Variants in AGPAT4 observed in about 807,000 individuals in gnomAD.
The protein encoded by AGPAT4 is 1-acyl-sn-glycerol-3-phosphate acyltransferase delta.
In AGPAT4, 15 loss-of-function variants were observed where a neutral mutation model predicts 48.0. The observed-to-expected ratio is 0.31, with a 90% CI of 0.21 to 0.48. The LOEUF (loss-of-function observed/expected upper bound fraction) is 0.48, where lower values mean the gene tolerates loss of function less well. AGPAT4 is among the 20% of genes least tolerant of loss of function. The pLI is 0.99. For missense variants in AGPAT4, 314 were observed against 482.5 expected, an observed-to-expected ratio of 0.65 and a Z score of 3.27; for synonymous variants, 178 against 198.7, an observed-to-expected ratio of 0.90 and a Z score of 0.88.
intron 2 of AGPAT4, among the ~76,000 whole-genome samples, chr6:161,210,478 T>C (rs1169763304): frequency 6.6e-6 from 1 of 152,220 alleles, no homozygotes; most frequent in Non-Finnish European, 1.5e-5. Context: ...TATGTATTTA[T>C]GTGTTGTGTA....
intron 1 of AGPAT4, among the ~76,000 whole-genome samples, chr6:161,256,069 C>T (rs3757028): frequency 0.17 from 26,404 of 152,056 alleles, 2,412 homozygotes; most frequent in Non-Finnish European, 0.19. Flanking sequence ...CCACTCCACC[C>T]TCACCCAGGC....
chr6:161,140,827 A>G lies in AGPAT4; in HGVS notation c.844-1207T>C, dbSNP rs1779226858. On this transcript the variant is annotated intron_variant, in intron 7 of 8. Coordinates refer to ENST00000320285, the MANE Select transcript of AGPAT4 (RefSeq NM_020133.3). This position sits in a 1 kb window ranked among gnomAD's most constrained non-coding sequence, Gnocchi z 6.5. ...AGGTTGTATGGTGGGCAGCTGCCTCAGCTATTGTAAAAGCTGCACGTGGCC... is the reference window on the plus strand; with the variant it reads ...AGGTTGTATGGTGGGCAGCTGCCTCGGCTATTGTAAAAGCTGCACGTGGCC... Among the ~76,000 whole-genome samples, 1 of 152,198 alleles carries G rather than the reference A, an allele frequency of 6.6e-6. No homozygotes were observed. The highest frequency in any genetic ancestry group is 1.5e-5 in the Non-Finnish European group (1 of 68,038).
intron 2 of AGPAT4, among the ~76,000 whole-genome samples, chr6:161,170,224 A>C (rs1287457003): frequency 6.6e-6 from 1 of 152,052 alleles, no homozygotes; most frequent in Admixed American, 6.5e-5. Context: ...CCAGCATCAC[A>C]TGCAGATACA....
At chr6:161,170,471 G>GCACACA (rs1216836382) in intron 2 of AGPAT4, among the ~76,000 whole-genome samples, 7 of 113,726 alleles carry the variant, frequency 6.2e-5, no homozygotes, top group East Asian at 2.2e-4. Context: ...ACGTGCGCGC[G>GCACACA]CGCACACACA....
chr6:161,257,835 C>A (rs569251625), intron 1 of AGPAT4, among the ~76,000 whole-genome samples: 4 of 152,270 alleles, frequency 2.6e-5, no homozygotes, highest in African/African-American at 9.6e-5. Context: ...GCTATGAACC[C>A]ATCTGGTCCC....
At chr6:161,253,899 T>A (rs1782872317) in intron 1 of AGPAT4, among the ~76,000 whole-genome samples, 1 of 152,186 alleles carries the variant, frequency 6.6e-6, no homozygotes, top group African/African-American at 2.4e-5. Flanking sequence ...GACATTCACA[T>A]TACTCCCAAT....
Position 161,208,211 on chromosome 6 carries a change from T to A in AGPAT4, c.178+23825A>T, listed in dbSNP as rs1442053724. Among the ~76,000 whole-genome samples, 4 of 152,196 alleles carry A rather than the reference T, an allele frequency of 2.6e-5. No homozygotes were observed. Among genetic ancestry groups the A allele is most frequent in the Non-Finnish European group, 5.9e-5 (4 of 68,042 alleles). On this transcript the variant is annotated intron_variant, in intron 2 of 8. Transcript: ENST00000320285. This position sits in a 1 kb window ranked among gnomAD's most constrained non-coding sequence, Gnocchi z 4.6. Reference sequence around the variant, plus strand: ...ATATATTTTACATTTCAGTCTCCTTTTTTATATGAACGTTAGCTACCAAGA... The same window carrying A: ...ATATATTTTACATTTCAGTCTCCTTATTTATATGAACGTTAGCTACCAAGA...
chr6:161,273,241 G>A (rs1255992399), intron 1 of AGPAT4, among the ~76,000 whole-genome samples: 3 of 152,070 alleles, frequency 2.0e-5, no homozygotes, highest in Non-Finnish European at 4.4e-5. Flanking sequence ...CCTCGATATG[G>A]AGAAATTCAT....
Position 161,242,853 on chromosome 6 carries a change from A to G in AGPAT4, c.-89-10551T>C, listed in dbSNP as rs1207178803. 1.3e-5 allele frequency among the ~76,000 whole-genome samples: 2 copies of G among 152,094 alleles called. No homozygotes were observed. Among genetic ancestry groups the G allele is most frequent in the Non-Finnish European group, 2.9e-5 (2 of 67,998 alleles). ...TGGGAGGGGGTGGGTGGCTCACCTG[A>G]GGTCAGGAGATCGAGGCCAGCCTGG... On this transcript the variant is annotated intron_variant, in intron 1 of 8. Coordinates refer to ENST00000320285, the MANE Select transcript of AGPAT4 (RefSeq NM_020133.3). The surrounding 1 kb of genome is among the most constrained non-coding windows in gnomAD (Gnocchi z 5.0).
chr6:161,136,338 T>A lies in AGPAT4; in HGVS notation c.*202A>T. On this transcript the variant is annotated 3_prime_UTR_variant, in exon 9 of 9. Coordinates refer to ENST00000320285, the MANE Select transcript of AGPAT4 (RefSeq NM_020133.3). ...GCACAAAAAGAAAACCAAAGCCCAC[T>A]AAAGCACATGGGGAAAAAAAGATTA... The A allele has an allele frequency of 3.6e-6, 2 of 561,154 alleles. No homozygotes were observed. Among genetic ancestry groups the A allele is most frequent in the Non-Finnish European group, 6.4e-6 (2 of 312,208 alleles). The allele number at this position is 561,154 out of a possible 1,614,324, so 34.8% of individuals were successfully genotyped here.
In AGPAT4 at chr6:161,253,597, C is replaced by T. The variant is rs1198303676; in HGVS notation, c.-90+20341G>A. 2.0e-5 allele frequency among the ~76,000 whole-genome samples: 3 copies of T among 151,762 alleles called. No individual in the cohort carries two copies. In the East Asian group the frequency reaches 5.8e-4, roughly 29 times the overall value. On this transcript the variant is annotated intron_variant, in intron 1 of 8. Coordinates refer to ENST00000320285, the MANE Select transcript of AGPAT4 (RefSeq NM_020133.3). ...AAAGGCAAAAATAATATGTATCTCT[C>T]TACTTAAATTTTAAAAATTATAAAT...
At chr6:161,230,636 T>C (rs1311990453) in intron 2 of AGPAT4, among the ~76,000 whole-genome samples, 2 of 152,182 alleles carry the variant, frequency 1.3e-5, no homozygotes, top group East Asian at 3.8e-4. Context: ...TATACCACCG[T>C]AGAAGGGTAC....
chr6:161,185,496 G>A (rs1184998694), intron 2 of AGPAT4, among the ~76,000 whole-genome samples: 3 of 151,982 alleles, frequency 2.0e-5, no homozygotes, highest in Non-Finnish European at 2.9e-5. Context: ...TCATGACAAT[G>A]TGGGGTGATA....
chr6:161,182,190 C>T (rs1045860450), intron 2 of AGPAT4, among the ~76,000 whole-genome samples: 1 of 151,738 alleles, frequency 6.6e-6, no homozygotes, highest in Non-Finnish European at 1.5e-5. Flanking sequence ...TTACCCTATC[C>T]CCTCACCCCA....
At position 161,261,787 on chromosome 6, in the gene AGPAT4, C is replaced by T. The variant is rs1351165890; in HGVS notation, c.-90+12151G>A. ...CCTTTTCTCTTTCTTTATGAGTGGA[C>T]CTTCGGCTTCTGACTGCATTTTCCT... On this transcript the variant is annotated intron_variant, in intron 1 of 8. Transcript: ENST00000320285. This position sits in a 1 kb window ranked among gnomAD's most constrained non-coding sequence, Gnocchi z 5.3. 2.0e-5 allele frequency among the ~76,000 whole-genome samples: 3 copies of T among 152,174 alleles called. No homozygotes were observed.
chr6:161,135,086 G>GTTGTGC lies in AGPAT4; in HGVS notation c.*1453_*1454insGCACAA, dbSNP rs60072179. The stretch of plus-strand genomic sequence containing the variant: ...GTAACTCCTTGGCTTACCTAGTTTG[G>GTTGTGC]TTGATAAACAATGACTAAATGAGCA... On this transcript the variant is annotated 3_prime_UTR_variant, in exon 9 of 9. Coordinates refer to ENST00000320285, the MANE Select transcript of AGPAT4 (RefSeq NM_020133.3). 0.29 allele frequency: 44,130 copies of GTTGTGC among 152,090 alleles called. 7,001 individuals are homozygous for GTTGTGC. Among genetic ancestry groups the GTTGTGC allele is most frequent in the African/African-American group, 0.39 (16,147 of 41,440 alleles). 9.4% of individuals were successfully genotyped at this position (152,090 alleles called of 1,614,324 possible). A position where few individuals can be genotyped will look rare whatever the true frequency, so the allele number is the denominator to read the frequency against.
At chr6:161,150,028 T>C (rs1394878872) in intron 5 of AGPAT4, among the ~76,000 whole-genome samples, 1 of 152,202 alleles carries the variant, frequency 6.6e-6, no homozygotes, top group African/African-American at 2.4e-5. Context: ...AGCATAACCA[T>C]TCTATGAGCA....
At position 161,216,532 on chromosome 6, in the gene AGPAT4, C is replaced by T. The variant is rs1352991092; in HGVS notation, c.178+15504G>A. ...AATGCTGGGGCAGCATCAGCCCCGA[C>T]GCCCCAGGCCCCACCCCAGCACTCT... On this transcript the variant is annotated intron_variant, in intron 2 of 8. Transcript: ENST00000320285. The surrounding 1 kb of genome is among the most constrained non-coding windows in gnomAD (Gnocchi z 4.8). Among the ~76,000 whole-genome samples the T allele has an allele frequency of 2.0e-5, 3 of 152,172 alleles. No individual in the cohort carries two copies. Among genetic ancestry groups the T allele is most frequent in the Admixed American group, 6.5e-5 (1 of 15,282 alleles).
rs1167806861 is a variant in AGPAT4 at position 161,161,042 on chromosome 6, G to C, written c.348+5206C>G. The C allele has an allele frequency of 2.2e-6, 1 of 456,410 alleles. No homozygotes were observed. The highest frequency in any genetic ancestry group is 4.4e-6 in the Non-Finnish European group (1 of 226,900). 28.3% of individuals were successfully genotyped at this position (456,410 alleles called of 1,614,324 possible). ...AGCACGAAAGGGGGACAGTTCATGG[G>C]ATGATACCAAGTCGGTGTACAGCAG... On this transcript the variant is annotated intron_variant, in intron 3 of 8. Coordinates refer to ENST00000320285, the MANE Select transcript of AGPAT4 (RefSeq NM_020133.3). The surrounding 1 kb of genome is among the most constrained non-coding windows in gnomAD (Gnocchi z 4.6).
Sources: allele counts gnomAD v4.1 joint callset (sites outside exome capture counted in the v4.1 genomes callset), GRCh38; gene constraint gnomAD v4.1.1; non-coding constraint Gnocchi (gnomAD v3.1); transcripts MANE v1.5; gene names NCBI Gene and HGNC (gene_info 2026-07-23, HGNC 2026-07-21).